The following PDE10A variants were observed in gnomAD, a reference collection of about 807,000 sequenced individuals.
PDE10A encodes phosphodiesterase 10A, also known as cAMP and cAMP-inhibited cGMP 3',5'-cyclic phosphodiesterase 10A.
PDE10A carries 39 observed loss-of-function variants against 97.7 expected under a neutral mutation model. That is an observed-to-expected ratio of 0.40 (90% CI 0.31 to 0.52). PDE10A has a LOEUF of 0.52. PDE10A is among the 20% of genes least tolerant of loss of function. The probability of loss-of-function intolerance (pLI) is 0.56; values close to 1 mark genes in which losing one functional copy is unlikely to be tolerated. For missense variants in PDE10A, 731 were observed against 1,047.8 expected, an observed-to-expected ratio of 0.70 and a Z score of 4.17; for synonymous variants, 371 against 376.8, an observed-to-expected ratio of 0.98 and a Z score of 0.18.
chr6:165,565,390 A>G (rs918132724), intron 1 of PDE10A, among the ~76,000 whole-genome samples: 2 of 152,214 alleles, frequency 1.3e-5, no homozygotes, highest in African/African-American at 4.8e-5. Context: ...TAAATCTAAC[A>G]AAATAGATAC....
chr6:165,661,969 C>T lies in PDE10A; in HGVS notation c.843G>A (p.Leu281=). ...PSNNASCFRR[L]TECFLSPSLT... is the part of the protein sequence containing the mutation. ...TACTGGGGCTCAGGAAGCACTCGGT[C>T]AGCCTTCGGAAGCAGCTCGCATTAT... is the stretch of plus-strand genomic sequence containing the variant. The change falls in exon 1 of 22, where the codon CTG becomes CTA. Residue 281 remains leucine (L), a synonymous_variant. Transcript: ENST00000539869. The surrounding 1 kb of genome is among the most constrained non-coding windows in gnomAD (Gnocchi z 4.8). 7 of 1,200,820 alleles carry T rather than the reference C, an allele frequency of 5.8e-6. No homozygotes were observed. The highest frequency in any genetic ancestry group is 8.4e-6 in the Non-Finnish European group (7 of 832,900). 74.4% of individuals were successfully genotyped at this position (1,200,820 alleles called of 1,614,324 possible). A position where few individuals can be genotyped will look rare whatever the true frequency, so the allele number is the denominator to read the frequency against.
intron 3 of PDE10A, among the ~76,000 whole-genome samples, chr6:165,464,839 G>T (rs994493126): frequency 6.6e-6 from 1 of 152,178 alleles, no homozygotes; most frequent in African/African-American, 2.4e-5. Context: ...TCAGTAGTGT[G>T]TTCCTTTCCA....
intron 2 of PDE10A, among the ~76,000 whole-genome samples, chr6:165,487,045 G>A (rs1222249182): frequency 6.6e-6 from 1 of 152,316 alleles, no homozygotes; most frequent in Admixed American, 6.5e-5. Context: ...AACTGGGAAG[G>A]AATGGATCCG....
At chr6:165,892,524 C>T (rs546484835) in intron 1 of PDE10A, among the ~76,000 whole-genome samples, 14 of 152,322 alleles carry the variant, frequency 9.2e-5, no homozygotes, top group African/African-American at 3.1e-4. Context: ...TGGCAGCTGG[C>T]ATGCTGGAGG....
intron 1 of PDE10A, among the ~76,000 whole-genome samples, chr6:165,833,894 C>T (rs1372745059): frequency 6.6e-6 from 1 of 152,166 alleles, no homozygotes; most frequent in Non-Finnish European, 1.5e-5. Flanking sequence ...AAGGTCTAGC[C>T]GAGACCTGAT....
intron 1 of PDE10A, among the ~76,000 whole-genome samples, chr6:165,762,309 A>T (rs1259711706): frequency 6.6e-6 from 1 of 152,090 alleles, no homozygotes; most frequent in Non-Finnish European, 1.5e-5. Context: ...CCTTATTAAA[A>T]CCTTCTTCCC....
rs191262389 is a variant in PDE10A, at chr6:165,902,692, A to G, written c.-615+84837T>C. 4.6e-5 allele frequency among the ~76,000 whole-genome samples: 7 copies of G among 152,272 alleles called. No individual in the cohort carries two copies. In the East Asian group the frequency reaches 1.3e-3, roughly 29 times the overall value. On this transcript the variant is annotated intron_variant, in intron 1 of 19. Transcript: ENST00000366882. ...ATTTCCTCGCCATCCTTCCCATTCCAGGTGTGGCGCACGGGCTGTTCTTGC... is the reference window on the plus strand; with the variant it reads ...ATTTCCTCGCCATCCTTCCCATTCCGGGTGTGGCGCACGGGCTGTTCTTGC...
chr6:165,656,254 TCTCTCACACACACACACACACACACA>T (rs1006812536), intron 1 of PDE10A, among the ~76,000 whole-genome samples: 1 of 100,998 alleles, frequency 9.9e-6, no homozygotes, highest in Non-Finnish European at 2.0e-5. Context: ...TCTCTCTCTC[TCTCTCACACACACACACACACACACA>T]CACACACACA....
rs139651015 is a variant in PDE10A at position 165,758,619 on chromosome 6, A to C, written c.-614-215051T>G. 8.7e-4 allele frequency among the ~76,000 whole-genome samples: 132 copies of C among 151,648 alleles called. 1 individual carries two copies. Among genetic ancestry groups the C allele is most frequent in the African/African-American group, 3.0e-3 (126 of 41,372 alleles). ...GAGGCAGCAGCAGAAGAAGCAGCAGAAGAAGAGGAAGAAGAAGAGGAAGAA... is the reference window on the plus strand; with the variant it reads ...GAGGCAGCAGCAGAAGAAGCAGCAGCAGAAGAGGAAGAAGAAGAGGAAGAA... On this transcript the variant is annotated intron_variant, in intron 1 of 19. Transcript: ENST00000366882.
chr6:165,631,151 T>C (rs1263168399), intron 1 of PDE10A, among the ~76,000 whole-genome samples: 4 of 152,208 alleles, frequency 2.6e-5, no homozygotes, highest in South Asian at 4.1e-4. Flanking sequence ...CAGAACAATA[T>C]TGAAGAAATA....
chr6:165,954,563 G>A (rs1265296352), intron 1 of PDE10A, among the ~76,000 whole-genome samples: 1 of 152,156 alleles, frequency 6.6e-6, no homozygotes, highest in Non-Finnish European at 1.5e-5. Context: ...TAACAAGAGA[G>A]GACAGAGGCA....
chr6:165,973,769 G>A (rs545492733), intron 1 of PDE10A, among the ~76,000 whole-genome samples: 1 of 152,326 alleles, frequency 6.6e-6, no homozygotes, highest in Non-Finnish European at 1.5e-5. Flanking sequence ...TGGCTGGACC[G>A]CAGCAGTGTT....
chr6:165,957,353 T>A (rs905685221), intron 1 of PDE10A, among the ~76,000 whole-genome samples: 1 of 152,050 alleles, frequency 6.6e-6, no homozygotes, highest in Non-Finnish European at 1.5e-5. Flanking sequence ...TGGTGGCACA[T>A]GTCTGTAGTC....
At chr6:165,813,453 TGA>T (rs10572095) in intron 1 of PDE10A, among the ~76,000 whole-genome samples, 59,903 of 151,598 alleles carry the variant, frequency 0.4, 11,965 homozygotes, top group Non-Finnish European at 0.43. Context: ...AGTGACTTTA[TGA>T]CCAAATCAGG....
intron 1 of PDE10A, among the ~76,000 whole-genome samples, chr6:165,825,450 C>A (rs1779712442): frequency 6.6e-6 from 1 of 152,148 alleles, no homozygotes; most frequent in Non-Finnish European, 1.5e-5. Flanking sequence ...CAATTTAGAT[C>A]CCTGAAATAC....
chr6:165,349,050 T>C (rs1023211445), intron 18 of PDE10A, among the ~76,000 whole-genome samples: 8 of 152,276 alleles, frequency 5.3e-5, no homozygotes, highest in East Asian at 3.9e-4. Context: ...ATACAGTAAA[T>C]TGATACTGCA....
At chr6:165,475,204 T>C (rs928128664) in intron 3 of PDE10A, among the ~76,000 whole-genome samples, 1 of 152,218 alleles carries the variant, frequency 6.6e-6, no homozygotes, top group African/African-American at 2.4e-5. Flanking sequence ...CTGATAATAT[T>C]GTTTCCTATA....
At chr6:165,447,612 T>C (rs1306063168) in intron 5 of PDE10A, among the ~76,000 whole-genome samples, 2 of 152,232 alleles carry the variant, frequency 1.3e-5, no homozygotes, top group African/African-American at 4.8e-5. Context: ...AATAAAAACT[T>C]TGACACTTTA....
At chr6:165,341,365 CT>C (rs1452800506) in intron 19 of PDE10A, among the ~76,000 whole-genome samples, 3 of 152,190 alleles carry the variant, frequency 2.0e-5, no homozygotes, top group African/African-American at 7.2e-5. Context: ...CTGCACCTTC[CT>C]TTTACTTTAA....
Sources: gnomAD v4.1 joint callset for allele counts (sites outside exome capture counted in the v4.1 genomes callset) on GRCh38, gnomAD v4.1.1 for gene constraint, Gnocchi (gnomAD v3.1) non-coding constraint, MANE v1.5 for transcripts, NCBI Gene and HGNC (gene_info 2026-07-23, HGNC 2026-07-21) for gene names.